Variants in EPHA6 observed in about 807,000 individuals in gnomAD.
EPHA6 encodes the protein EPH receptor A6, also known as ephrin type-A receptor 6.
A neutral mutation model predicts 112.0 loss-of-function variants in EPHA6; 50 were observed. The observed-to-expected ratio is 0.45, with a 90% CI of 0.36 to 0.56. The LOEUF is 0.56. Among genes scored for constraint, EPHA6 ranks in the 20% least tolerant of loss-of-function variants. EPHA6 has a pLI of 0.00. For missense variants in EPHA6, 1,280 were observed against 1,417.4 expected, an observed-to-expected ratio of 0.90 and a Z score of 1.56; for synonymous variants, 529 against 490.7, an observed-to-expected ratio of 1.08 and a Z score of -1.03.
At chr3:97,118,245 C>A (rs1170919623) in intron 3 of EPHA6, among the ~76,000 whole-genome samples, 2 of 151,644 alleles carry the variant, frequency 1.3e-5, no homozygotes, top group Admixed American at 6.6e-5. Flanking sequence ...GCTATATAAT[C>A]TGTGTGCATG....
chr3:97,149,754 T>G (rs2076126384), intron 3 of EPHA6, among the ~76,000 whole-genome samples: 1 of 151,606 alleles, frequency 6.6e-6, no homozygotes, highest in Non-Finnish European at 1.5e-5. Flanking sequence ...CTGTGATGGT[T>G]GTAAGATGGT....
chr3:97,483,762 A>G (rs530790228), intron 9 of EPHA6, among the ~76,000 whole-genome samples, 172 bp from the exon 10 acceptor site: 3 of 152,314 alleles, frequency 2.0e-5, no homozygotes, highest in Admixed American at 2.0e-4. Context: ...AGGTAAATAA[A>G]TTTTTGACCC....
chr3:97,146,008 T>C lies in EPHA6; in HGVS notation c.1115-80256T>C, dbSNP rs1173139519. ...TTAGCAAATTTACCCCCAAATGACA[T>C]ACACACTGCCATATTTTTATTTGAA... On this transcript the variant is annotated intron_variant, in intron 3 of 17. Transcript: ENST00000389672. 3.3e-5 allele frequency among the ~76,000 whole-genome samples: 5 copies of C among 151,716 alleles called. No homozygotes were observed. The South Asian group carries it at 6.2e-4, about 19-fold the overall frequency.
chr3:96,828,925 C>T (rs1266128565), intron 1 of EPHA6, among the ~76,000 whole-genome samples: 2 of 152,098 alleles, frequency 1.3e-5, no homozygotes, highest in Admixed American at 6.6e-5. Flanking sequence ...TTTTGAATGG[C>T]AATACTTGCA....
intron 14 of EPHA6, among the ~76,000 whole-genome samples, chr3:97,652,524 T>C (rs561480010): frequency 9.2e-5 from 14 of 152,060 alleles, no homozygotes; most frequent in Non-Finnish European, 1.9e-4. Context: ...TTAAATATAA[T>C]AGAAGTGAGA....
intron 10 of EPHA6, among the ~76,000 whole-genome samples, chr3:97,499,368 C>T (rs1461178420): frequency 6.6e-6 from 1 of 152,154 alleles, no homozygotes; most frequent in Non-Finnish European, 1.5e-5. Context: ...CTTCTTCCCA[C>T]AAATATAGTC....
At chr3:97,687,727 A>C (rs1374137658) in intron 14 of EPHA6, among the ~76,000 whole-genome samples, 1 of 152,234 alleles carries the variant, frequency 6.6e-6, no homozygotes, top group East Asian at 1.9e-4. Context: ...GCCACCTCCC[A>C]AAATCCTCAG....
chr3:97,014,162 G>C (rs1369353896), intron 3 of EPHA6, among the ~76,000 whole-genome samples: 1 of 152,042 alleles, frequency 6.6e-6, no homozygotes, highest in African/African-American at 2.4e-5. Flanking sequence ...TAAACAGATA[G>C]AGAAAGAGAT....
chr3:97,385,711 A>G (rs2109037607), intron 5 of EPHA6, among the ~76,000 whole-genome samples: 1 of 152,300 alleles, frequency 6.6e-6, no homozygotes, highest in Admixed American at 6.5e-5. Flanking sequence ...TGGGCTGTAC[A>G]GGCTCCTGCT....
intron 3 of EPHA6, among the ~76,000 whole-genome samples, chr3:97,119,463 G>T (rs1271529243): frequency 1.3e-5 from 2 of 151,906 alleles, no homozygotes; most frequent in African/African-American, 2.4e-5. Context: ...TCTCCATGAA[G>T]ACCAGAAGCA....
chr3:97,546,196 CT>C (rs1410811791), intron 11 of EPHA6, among the ~76,000 whole-genome samples: 1 of 152,198 alleles, frequency 6.6e-6, no homozygotes, highest in Non-Finnish European at 1.5e-5. Flanking sequence ...TTTGCATTGG[CT>C]GGTACTGGTT....
rs772515810 is a variant in EPHA6 at position 97,190,262 on chromosome 3, C to T, written c.1115-36002C>T. Among the ~76,000 whole-genome samples the T allele has an allele frequency of 3.0e-4, 46 of 152,250 alleles. 1 individual carries two copies. Among genetic ancestry groups the T allele is most frequent in the Middle Eastern group, 6.8e-3 (2 of 294 alleles). On this transcript the variant is annotated intron_variant, in intron 3 of 17. Coordinates refer to ENST00000389672, the MANE Select transcript of EPHA6 (RefSeq NM_001080448.3). ...CATTGGCCTGACTTCCAATTGTCAG[C>T]ATATTTAACTACCAACATATTTATG... is the stretch of plus-strand genomic sequence containing the variant.
At chr3:97,068,741 C>T (rs948664639) in intron 3 of EPHA6, among the ~76,000 whole-genome samples, 5 of 151,926 alleles carry the variant, frequency 3.3e-5, no homozygotes, top group African/African-American at 4.8e-5. Flanking sequence ...TTAGATCATG[C>T]GGGTAGAACA....
intron 3 of EPHA6, among the ~76,000 whole-genome samples, chr3:97,188,258 A>T (rs1488384664): frequency 6.6e-6 from 1 of 152,100 alleles, no homozygotes; most frequent in African/African-American, 2.4e-5. Flanking sequence ...TTATGATGGG[A>T]TGCTAAACAT....
chr3:97,534,262 T>C (rs1293571089), intron 11 of EPHA6, among the ~76,000 whole-genome samples: 1 of 152,128 alleles, frequency 6.6e-6, no homozygotes, highest in Admixed American at 6.6e-5. Flanking sequence ...ATTGGGACTA[T>C]ATGTGCTAGC....
At chr3:97,634,795 C>T (rs1000872547) in intron 13 of EPHA6, among the ~76,000 whole-genome samples, 10 of 152,118 alleles carry the variant, frequency 6.6e-5, no homozygotes, top group African/African-American at 2.4e-4. Flanking sequence ...GGTGAAGGCA[C>T]TGAACTGTAA....
At chr3:97,140,967 G>A (rs985695293) in intron 3 of EPHA6, among the ~76,000 whole-genome samples, 1 of 151,982 alleles carries the variant, frequency 6.6e-6, no homozygotes, top group Admixed American at 6.6e-5. Flanking sequence ...CAAATTCAAA[G>A]TAAAGGGATG....
At chr3:97,359,987 A>G (rs961728577) in intron 5 of EPHA6, among the ~76,000 whole-genome samples, 9 of 152,220 alleles carry the variant, frequency 5.9e-5, no homozygotes, top group African/African-American at 2.2e-4. Flanking sequence ...ATAAACAGGA[A>G]TAAAATGTAC....
chr3:97,757,482 C>CA lies in EPHA6; in HGVS notation c.*8787dup, dbSNP rs1484159008. Among the ~76,000 whole-genome samples the CA allele has an allele frequency of 1.3e-5, 2 of 151,170 alleles. No individual in the cohort carries two copies. Among genetic ancestry groups the CA allele is most frequent in the Non-Finnish European group, 3.0e-5 (2 of 67,554 alleles). ...AGACATATATAATCAAAGAATTTGC[C>CA]AAAAAATTCAAATAATAATACATTG... On this transcript the variant is annotated 3_prime_UTR_variant, in exon 18 of 18. Coordinates refer to ENST00000389672, the MANE Select transcript of EPHA6 (RefSeq NM_001080448.3).
Sources: gnomAD v4.1 joint callset for allele counts (sites outside exome capture counted in the v4.1 genomes callset) on GRCh38, gnomAD v4.1.1 for gene constraint, MANE v1.5 for transcripts, NCBI Gene and HGNC (gene_info 2026-07-23, HGNC 2026-07-21) for gene names.